ODR4: variants seen among roughly 807,000 people sequenced by gnomAD.
ODR4 encodes the protein protein odr-4 homolog.
ODR4 carries 47 observed loss-of-function variants against 60.2 expected under a neutral mutation model. The ratio of observed to expected loss-of-function variants is 0.78; its 90% CI spans 0.62 to 1.00. The LOEUF is 1.00. Ranked by LOEUF, ODR4 falls within the 50% of genes least tolerant of loss-of-function variation. The pLI, the probability that ODR4 is intolerant of heterozygous loss-of-function variation, is 0.00. For missense variants in ODR4, 488 were observed against 530.8 expected (o/e 0.92, Z 0.79); for synonymous variants, 178 against 175.5 (o/e 1.01, Z -0.11).
At chr1:186,396,628 T>C (rs910570639) in intron 9 of ODR4, among the ~76,000 whole-genome samples, 2 of 151,400 alleles carry the variant, frequency 1.3e-5, no homozygotes, top group African/African-American at 4.9e-5. Context: ...AAAATAAAAC[T>C]AACCAACCAA....
At chr1:186,422,198 A>C (rs972872649), downstream of ODR4, among the ~76,000 whole-genome samples, 1 of 152,148 alleles carries the variant, frequency 6.6e-6, no homozygotes, top group Non-Finnish European at 1.5e-5. Context: ...GTGTAGCTTT[A>C]GTGATATTAA....
At position 186,375,861 on chromosome 1, in the gene ODR4, G is replaced by A. The variant is rs1024854877; in HGVS notation, c.-133G>A. 1.4e-5 allele frequency: 3 copies of A among 208,074 alleles called. No individual in the cohort carries two copies. Among genetic ancestry groups the A allele is most frequent in the Non-Finnish European group, 3.2e-5 (3 of 93,098 alleles). 12.9% of individuals were successfully genotyped at this position (208,074 alleles called of 1,614,324 possible). ...CTGATGAATTCAGTGGCAGTGAATT[G>A]AGACCGGAGGGAATCTGGCCCCTAG... On this transcript the variant is annotated 5_prime_UTR_variant, in exon 1 of 14. It removes the in-frame stop codon of an upstream open reading frame in the 5' UTR. Transcript: ENST00000287859.
At chr1:186,399,925 G>A (rs888700348) in intron 11 of ODR4, among the ~76,000 whole-genome samples, 2 of 149,402 alleles carry the variant, frequency 1.3e-5, no homozygotes, top group African/African-American at 4.9e-5. Context: ...TTAATCAAAA[G>A]CAAGTTAAAA....
At position 186,419,168 on chromosome 1, in the gene ODR4, C is replaced by T; in HGVS notation, c.*92C>T. On this transcript the variant is annotated 3_prime_UTR_variant, in exon 14 of 14. Coordinates refer to ENST00000287859, the MANE Select transcript of ODR4 (RefSeq NM_017847.6). ...GTTAACAATCCATCTGTATTTAAAA[C>T]ACTAGCAGCCAGATCTGCTGCCATG... 2 of 1,102,038 alleles carry T rather than the reference C, an allele frequency of 1.8e-6. No homozygotes were observed. Among genetic ancestry groups the T allele is most frequent in the Non-Finnish European group, 2.7e-6 (2 of 745,662 alleles). 68.3% of individuals were successfully genotyped at this position (1,102,038 alleles called of 1,614,324 possible).
chr1:186,389,674 A>T (rs763319307), intron 6 of ODR4, 50 bp downstream of exon 6: 1 of 1,290,378 alleles, frequency 7.7e-7, no homozygotes, highest in South Asian at 1.4e-5. Context: ...AGTATTTTCA[A>T]TCAAAATTCA....
intron 1 of ODR4, 95 bp from the exon 2 acceptor site, chr1:186,379,672 G>C: frequency 3.0e-6 from 2 of 660,922 alleles, no homozygotes; most frequent in Non-Finnish European, 5.3e-6. Context: ...ATAGCCTCAG[G>C]ATAGTATCAC....
At chr1:186,393,841 A>C in intron 8 of ODR4, 106 bp from the exon 9 acceptor site, 2 of 646,996 alleles carry the variant, frequency 3.1e-6, no homozygotes, top group Non-Finnish European at 5.4e-6. Flanking sequence ...TAATTAAAAG[A>C]CTTGTTTTTT....
chr1:186,420,765 C>T lies in ODR4; in HGVS notation c.*1689C>T, dbSNP rs932955569. 5.3e-5 allele frequency: 8 copies of T among 151,550 alleles called. No homozygotes were observed. Among genetic ancestry groups the T allele is most frequent in the Admixed American group, 1.3e-4 (2 of 15,200 alleles). 9.4% of individuals were successfully genotyped at this position (151,550 alleles called of 1,614,324 possible). On this transcript the variant is annotated 3_prime_UTR_variant, in exon 14 of 14. Coordinates refer to ENST00000287859, the MANE Select transcript of ODR4 (RefSeq NM_017847.6). ...AAAACATTGGAAAGTTAAGAGAGTTCGAGGGAAGAATTATAAAGACTAGGA... is the reference window on the plus strand; with the variant it reads ...AAAACATTGGAAAGTTAAGAGAGTTTGAGGGAAGAATTATAAAGACTAGGA...
chr1:186,394,350 G>A (rs1265057204), intron 9 of ODR4, among the ~76,000 whole-genome samples: 1 of 152,132 alleles, frequency 6.6e-6, no homozygotes, highest in Non-Finnish European at 1.5e-5. Flanking sequence ...CTTAAAAGAT[G>A]TGTACACAGA....
In ODR4 at chr1:186,381,202, A is replaced by G. The variant is rs965905668; in HGVS notation, c.99+1318A>G. 3.7e-4 allele frequency among the ~76,000 whole-genome samples: 57 copies of G among 152,214 alleles called. 1 individual carries two copies. The highest frequency in any genetic ancestry group is 1.4e-3 in the African/African-American group (57 of 41,466). On this transcript the variant is annotated intron_variant, in intron 2 of 13. Transcript: ENST00000287859. ...AAGAAGAGTCTTAGAGAAAGATGTG[A>G]TCAGTAGAGATAAAAAGTCAGGGAG...
chr1:186,397,225 TCTC>T (rs1321541996), intron 9 of ODR4, among the ~76,000 whole-genome samples: 10 of 152,196 alleles, frequency 6.6e-5, no homozygotes, highest in Non-Finnish European at 1.5e-4. Context: ...ATGTCAGTAT[TCTC>T]CTCTTCATTA....
the ODR4 span, among the ~76,000 whole-genome samples, chr1:186,433,434 T>G: frequency 5.3e-5 from 8 of 152,144 alleles, no homozygotes; most frequent in Non-Finnish European, 8.8e-5. Context: ...TGTAATTAAT[T>G]TCTACTTAAT....
rs1286239526 is a variant in ODR4 at position 186,419,980 on chromosome 1, CTG to C, written c.*906_*907del. On this transcript the variant is annotated 3_prime_UTR_variant, in exon 14 of 14. Coordinates refer to ENST00000287859, the MANE Select transcript of ODR4 (RefSeq NM_017847.6). ...CGTGCTTTCTCAGGTTACTGTATAA[CTG>C]TTATAATATATTTAATATATAAAAT... is the stretch of plus-strand genomic sequence containing the variant. 1 of 152,024 alleles carries C rather than the reference CTG, an allele frequency of 6.6e-6. No individual in the cohort carries two copies. Among genetic ancestry groups the C allele is most frequent in the Non-Finnish European group, 1.5e-5 (1 of 68,018 alleles). 9.4% of individuals were successfully genotyped at this position (152,024 alleles called of 1,614,324 possible).
intron 11 of ODR4, among the ~76,000 whole-genome samples, chr1:186,405,811 C>A (rs925820696): frequency 3.9e-5 from 6 of 152,088 alleles, no homozygotes; most frequent in African/African-American, 1.4e-4. Context: ...CTCAGCCTCC[C>A]AAAGTGCTGG....
At chr1:186,414,774 C>T (rs1661499862) in intron 12 of ODR4, among the ~76,000 whole-genome samples, 1 of 152,138 alleles carries the variant, frequency 6.6e-6, no homozygotes, top group Admixed American at 6.5e-5. Flanking sequence ...CCCGCCTCGG[C>T]CTCCCAAAGT....
At chr1:186,390,293 T>C (rs1391699735) in intron 6 of ODR4, among the ~76,000 whole-genome samples, 1 of 152,134 alleles carries the variant, frequency 6.6e-6, no homozygotes, top group South Asian at 2.1e-4. Flanking sequence ...TCTAAAAGGG[T>C]TGTGAAAAAG....
At chr1:186,402,228 T>TTCTTTCTTTC in intron 11 of ODR4, among the ~76,000 whole-genome samples, 1 of 150,730 alleles carries the variant, frequency 6.6e-6, no homozygotes, top group East Asian at 2.0e-4. Context: ...CTTTCTTTCT[T>TTCTTTCTTTC]TCTTTCCTTT....
Position 186,419,490 on chromosome 1 carries a change from C to T in ODR4, c.*414C>T, listed in dbSNP as rs1661701947. On this transcript the variant is annotated 3_prime_UTR_variant, in exon 14 of 14. Coordinates refer to ENST00000287859, the MANE Select transcript of ODR4 (RefSeq NM_017847.6). ...TGAGAGGCTGAGGTAGGAGCATCAC[C>T]TGGGGCTGGGAGGGAGTTGGAGACC... 1 of 159,684 alleles carries T rather than the reference C, an allele frequency of 6.3e-6. No individual in the cohort carries two copies. The highest frequency in any genetic ancestry group is 2.4e-5 in the African/African-American group (1 of 41,506). 9.9% of individuals were successfully genotyped at this position (159,684 alleles called of 1,614,324 possible).
chr1:186,429,168 C>T, the ODR4 span, among the ~76,000 whole-genome samples: 171 of 152,054 alleles, frequency 1.1e-3, no homozygotes, highest in Non-Finnish European at 2.0e-3. Context: ...GGAAGACCAC[C>T]TAAGCCTGGG....
Sources: gnomAD v4.1 joint callset for allele counts (sites outside exome capture counted in the v4.1 genomes callset) on GRCh38, gnomAD v4.1.1 for gene constraint, MANE v1.5 for transcripts, NCBI Gene and HGNC (gene_info 2026-07-23, HGNC 2026-07-21) for gene names.